Variants in SUSD5 observed in about 807,000 individuals in gnomAD.
SUSD5 encodes sushi domain containing 5, also known as sushi domain-containing protein 5.
SUSD5 carries 33 observed loss-of-function variants against 29.5 expected under a neutral mutation model. The ratio of observed to expected loss-of-function variants is 1.12; its 90% confidence interval spans 0.85 to 1.49. The LOEUF is 1.49. Among genes scored for constraint, SUSD5 ranks in the 40% most tolerant of loss-of-function variants. SUSD5 has a pLI of 0.00. For synonymous variants in SUSD5, 308 were observed against 325.3 expected, an observed-to-expected ratio of 0.95 and a Z score of 0.57; for missense variants, 776 against 800.6, an observed-to-expected ratio of 0.97 and a Z score of 0.37.
rs114002509 is a variant in SUSD5 at position 33,210,400 on chromosome 3, A to C, written c.291-2474T>G. Among the ~76,000 whole-genome samples the C allele has an allele frequency of 6.7e-3, 1,028 of 152,358 alleles. 12 individuals are homozygous for C. The highest frequency in any genetic ancestry group is 0.023 in the African/African-American group (958 of 41,578). The stretch of plus-strand genomic sequence containing the variant: ...CCCCTCCTACACAGAAGGTGAATTC[A>C]AATCTCCAACCTCCTAGTCCCATGT... On this transcript the variant is annotated intron_variant, in intron 2 of 4. Coordinates refer to ENST00000309558, the MANE Select transcript of SUSD5 (RefSeq NM_015551.2).
intron 4 of SUSD5, among the ~76,000 whole-genome samples, chr3:33,154,892 C>A (rs2031015120): frequency 6.6e-6 from 1 of 152,074 alleles, no homozygotes; most frequent in Non-Finnish European, 1.5e-5. Context: ...CAATAAAAAT[C>A]TCAGACATTA....
intron 3 of SUSD5, among the ~76,000 whole-genome samples, chr3:33,200,759 G>A (rs577021221): frequency 6.6e-6 from 1 of 152,328 alleles, no homozygotes; most frequent in South Asian, 2.1e-4. Context: ...TGAAGAACAT[G>A]TTGGTGAACA....
At chr3:33,166,012 C>CA (rs60528336) in intron 4 of SUSD5, among the ~76,000 whole-genome samples, 1,922 of 119,070 alleles carry the variant, frequency 0.016, 63 homozygotes, top group African/African-American at 0.054. Flanking sequence ...CCCCCCTCTC[C>CA]AAAAAAAAAA....
intron 3 of SUSD5, among the ~76,000 whole-genome samples, chr3:33,206,786 C>T (rs973263251): frequency 6.6e-6 from 1 of 152,164 alleles, no homozygotes; most frequent in African/African-American, 2.4e-5. Flanking sequence ...GGAAACACTG[C>T]ATTACAGAAA....
Position 33,206,375 on chromosome 3 carries a change from AAAAT to A in SUSD5, c.409+1429_409+1432del, listed in dbSNP as rs762504481. On this transcript the variant is annotated intron_variant, in intron 3 of 4. Transcript: ENST00000309558. Reference sequence around the variant, plus strand: ...GGCGACAAGAGTAAGACTCCATCTCAAAATAAATAAATAAATAAAAATAAAAAAT... The same window carrying A: ...GGCGACAAGAGTAAGACTCCATCTCAAAATAAATAAATAAAAATAAAAAAT... Among the ~76,000 whole-genome samples the A allele has an allele frequency of 7.6e-4, 115 of 151,616 alleles. No homozygotes were observed. The East Asian group carries it at 0.018, about 24-fold the overall frequency.
At chr3:33,181,125 A>T (rs983028411) in intron 3 of SUSD5, among the ~76,000 whole-genome samples, 1 of 152,146 alleles carries the variant, frequency 6.6e-6, no homozygotes, top group Admixed American at 6.5e-5. Context: ...AAAAATTAAA[A>T]ATTTATAAAG....
intron 3 of SUSD5, among the ~76,000 whole-genome samples, chr3:33,198,450 A>T (rs1162843128): frequency 6.6e-6 from 1 of 152,188 alleles, no homozygotes; most frequent in Non-Finnish European, 1.5e-5. Context: ...CTTGTCATAA[A>T]CATGGGGCCT....
intron 4 of SUSD5, among the ~76,000 whole-genome samples, chr3:33,173,984 G>T (rs528338089): frequency 6.6e-6 from 1 of 152,310 alleles, no homozygotes; most frequent in South Asian, 2.1e-4. Context: ...TGGGCAGCAG[G>T]GGTTAAGGAG....
At chr3:33,202,597 G>A (rs1372765227) in intron 3 of SUSD5, among the ~76,000 whole-genome samples, 1 of 152,082 alleles carries the variant, frequency 6.6e-6, no homozygotes, top group Non-Finnish European at 1.5e-5. Context: ...AGCCTTTCAG[G>A]GCAACAGAGG....
chr3:33,164,177 G>GA (rs1193115751), intron 4 of SUSD5, among the ~76,000 whole-genome samples: 2 of 149,520 alleles, frequency 1.3e-5, no homozygotes, highest in South Asian at 4.2e-4. Context: ...CTGTCTCAAA[G>GA]AAAAAAAAAG....
intron 3 of SUSD5, among the ~76,000 whole-genome samples, chr3:33,181,487 G>T (rs958475304): frequency 2.6e-5 from 4 of 151,330 alleles, no homozygotes; most frequent in Admixed American, 6.6e-5. Context: ...GGACTCTCAA[G>T]CAATCCTCCT....
intron 3 of SUSD5, among the ~76,000 whole-genome samples, chr3:33,206,410 T>TGA (rs200942180): frequency 0.035 from 1,937 of 54,728 alleles, 24 homozygotes; most frequent in South Asian, 0.11. Context: ...AAAATTTACT[T>TGA]GAGTGTGTGT....
chr3:33,218,006 A>T (rs1488988545), intron 1 of SUSD5, among the ~76,000 whole-genome samples: 1 of 152,258 alleles, frequency 6.6e-6, no homozygotes, highest in East Asian at 1.9e-4. Flanking sequence ...AGCTAAATTC[A>T]GGCTGAAAAA....
At chr3:33,183,006 A>G (rs2031704039) in intron 3 of SUSD5, among the ~76,000 whole-genome samples, 1 of 151,880 alleles carries the variant, frequency 6.6e-6, no homozygotes, top group Non-Finnish European at 1.5e-5. Context: ...CGTGTTAGCC[A>G]GGATGGTCTC....
intron 4 of SUSD5, chr3:33,168,371 T>A (rs1195137738): frequency 2.7e-6 from 1 of 369,924 alleles, no homozygotes. Context: ...TTTTTGTTCC[T>A]GACAAGGAAA....
At chr3:33,186,302 A>C (rs1268205229) in intron 3 of SUSD5, among the ~76,000 whole-genome samples, 1 of 152,076 alleles carries the variant, frequency 6.6e-6, no homozygotes. Context: ...ACTGTGTCTC[A>C]AAAGAAAAAA....
At chr3:33,211,078 G>C (rs1369584179) in intron 2 of SUSD5, among the ~76,000 whole-genome samples, 4 of 152,004 alleles carry the variant, frequency 2.6e-5, no homozygotes, top group Admixed American at 2.6e-4. Context: ...TTTTTTAGTA[G>C]AGACTGGGTT....
chr3:33,177,139 A>C (rs1189022093), intron 3 of SUSD5, among the ~76,000 whole-genome samples: 4 of 152,216 alleles, frequency 2.6e-5, no homozygotes, highest in African/African-American at 9.7e-5. Flanking sequence ...AGAGGTTGCA[A>C]ATTTTTTTGT....
intron 3 of SUSD5, among the ~76,000 whole-genome samples, chr3:33,189,273 T>C (rs2031842218): frequency 6.6e-6 from 1 of 151,744 alleles, no homozygotes; most frequent in Admixed American, 6.6e-5. Context: ...AGGTCAACAG[T>C]TCAAGACCAG....
Sources: allele counts gnomAD v4.1 joint callset (sites outside exome capture counted in the v4.1 genomes callset), GRCh38; gene constraint gnomAD v4.1.1; transcripts MANE v1.5; gene names NCBI Gene and HGNC (gene_info 2026-07-23, HGNC 2026-07-21).